Variants in PLA2G4A observed in about 807,000 individuals in gnomAD.
PLA2G4A encodes cytosolic phospholipase A2.
In PLA2G4A, 40 loss-of-function variants were observed where a neutral mutation model predicts 81.9. The ratio of observed to expected loss-of-function variants is 0.49; its 90% CI spans 0.38 to 0.64. PLA2G4A has a LOEUF of 0.64. Among genes scored for constraint, PLA2G4A ranks in the 30% least tolerant of loss-of-function variants. PLA2G4A has a pLI of 0.00. For synonymous variants in PLA2G4A, 302 were observed against 296.9 expected (o/e 1.02, Z -0.18); for missense variants, 715 against 905.1 (o/e 0.79, Z 2.69).
chr1:186,988,169 G>A (rs1657950385), intron 17 of PLA2G4A, among the ~76,000 whole-genome samples: 1 of 152,092 alleles, frequency 6.6e-6, no homozygotes, highest in Non-Finnish European at 1.5e-5. Context: ...CCCTGGTGAG[G>A]GAAGGAACAG....
At chr1:186,954,666 C>CTT (rs11375182) in intron 13 of PLA2G4A, among the ~76,000 whole-genome samples, 13 of 151,930 alleles carry the variant, frequency 8.6e-5, no homozygotes, top group Admixed American at 7.2e-4. Flanking sequence ...TATAGAATCT[C>CTT]TTTTTTCTCT....
chr1:186,947,405 C>A (rs1656383473), intron 12 of PLA2G4A, among the ~76,000 whole-genome samples: 1 of 151,990 alleles, frequency 6.6e-6, no homozygotes, highest in South Asian at 2.1e-4. Flanking sequence ...TTATATTAAT[C>A]TATACCCAAA....
intron 7 of PLA2G4A, among the ~76,000 whole-genome samples, chr1:186,920,930 C>T (rs146119505): frequency 7.6e-4 from 116 of 152,318 alleles, no homozygotes; most frequent in Non-Finnish European, 3.7e-4. Flanking sequence ...ATATCTTCCG[C>T]GCTTTGACTA....
chr1:186,887,623 T>C (rs903481016), intron 3 of PLA2G4A, among the ~76,000 whole-genome samples: 2 of 152,278 alleles, frequency 1.3e-5, no homozygotes, highest in African/African-American at 4.8e-5. Flanking sequence ...CTGAAAATAA[T>C]GAAGATGAGG....
rs1006325278 is a variant in PLA2G4A, at chr1:186,930,189, G to A, written c.559-2574G>A. 2.6e-5 allele frequency among the ~76,000 whole-genome samples: 4 copies of A among 152,174 alleles called. No individual in the cohort carries two copies. In the East Asian group the frequency reaches 5.8e-4, roughly 22 times the overall value. On this transcript the variant is annotated intron_variant, in intron 7 of 17. Coordinates refer to ENST00000367466, the MANE Select transcript of PLA2G4A (RefSeq NM_024420.3). ...TAATGTAAATGCATGCTTAACAAATGAAGGTAATTATAATCTGCACAGCCA... is the reference window on the plus strand; with the variant it reads ...TAATGTAAATGCATGCTTAACAAATAAAGGTAATTATAATCTGCACAGCCA...
At chr1:186,899,843 C>T (rs970976681) in intron 5 of PLA2G4A, among the ~76,000 whole-genome samples, 3 of 152,076 alleles carry the variant, frequency 2.0e-5, no homozygotes, top group East Asian at 1.9e-4. Flanking sequence ...ACTAGAATGG[C>T]GAGTGCAGGG....
chr1:186,930,253 C>A (rs10158652), intron 7 of PLA2G4A, among the ~76,000 whole-genome samples: 1 of 152,004 alleles, frequency 6.6e-6, no homozygotes, highest in Non-Finnish European at 1.5e-5. Context: ...AATATCTGAA[C>A]ATTTTCCTTC....
chr1:186,855,760 A>C (rs1329539895), intron 2 of PLA2G4A, among the ~76,000 whole-genome samples: 6 of 152,100 alleles, frequency 3.9e-5, no homozygotes, highest in African/African-American at 1.2e-4. Context: ...TCTACTGATA[A>C]CCATCATATT....
At chr1:186,982,292 A>G (rs1209260932) in intron 17 of PLA2G4A, among the ~76,000 whole-genome samples, 1 of 152,226 alleles carries the variant, frequency 6.6e-6, no homozygotes, top group East Asian at 1.9e-4. Context: ...CATGGGCGTT[A>G]TATCATCTTT....
chr1:186,872,351 G>T (rs971523446), intron 3 of PLA2G4A, among the ~76,000 whole-genome samples: 3 of 152,104 alleles, frequency 2.0e-5, no homozygotes, highest in South Asian at 4.2e-4. Context: ...CTTAAGAAAA[G>T]GCGTGCGTTT....
At chr1:186,839,926 A>G (rs1004557329) in intron 1 of PLA2G4A, among the ~76,000 whole-genome samples, 1 of 150,060 alleles carries the variant, frequency 6.7e-6, no homozygotes, top group Non-Finnish European at 1.5e-5. Flanking sequence ...AAGGGTCTGC[A>G]GACTGTCATG....
At chr1:186,859,660 G>A (rs1311670325) in intron 2 of PLA2G4A, among the ~76,000 whole-genome samples, 1 of 152,052 alleles carries the variant, frequency 6.6e-6, no homozygotes, top group East Asian at 1.9e-4. Context: ...AGGATGACTG[G>A]AAATTTTACC....
At chr1:186,906,173 G>C (rs1654729763) in intron 5 of PLA2G4A, among the ~76,000 whole-genome samples, 1 of 152,084 alleles carries the variant, frequency 6.6e-6, no homozygotes. Context: ...TTCTCATTTG[G>C]TTCTTATAAC....
chr1:186,914,047 G>T (rs930659309), intron 7 of PLA2G4A, among the ~76,000 whole-genome samples: 1 of 152,088 alleles, frequency 6.6e-6, no homozygotes, highest in African/African-American at 2.4e-5. Context: ...ATTTTAAAAA[G>T]AGAGGCTTCT....
chr1:186,927,265 G>A (rs1407875002), intron 7 of PLA2G4A, among the ~76,000 whole-genome samples: 1 of 152,152 alleles, frequency 6.6e-6, no homozygotes, highest in Non-Finnish European at 1.5e-5. Flanking sequence ...CTTGCTGTTA[G>A]AACAGTGTCT....
In PLA2G4A at chr1:186,867,964, T is replaced by C. The variant is rs78888430; in HGVS notation, c.34-2471T>C. Among the ~76,000 whole-genome samples, 685 of 152,276 alleles carry C rather than the reference T, an allele frequency of 4.5e-3. 2 individuals carry two copies. The highest frequency in any genetic ancestry group is 0.016 in the African/African-American group (656 of 41,548). On this transcript the variant is annotated intron_variant, in intron 2 of 17. Transcript: ENST00000367466. ...TTCATCTGTTGATATGATCATGTAA[T>C]TTTTCTTGTTTAGCTTGTTGATATA...
chr1:186,912,286 A>C lies in PLA2G4A; in HGVS notation c.558+897A>C, dbSNP rs147017329. Reference sequence around the variant, plus strand: ...CACACCAGAGTGGTACATTTGTTACAATCAGTGAACCCACATTGACACATC... The same window carrying C: ...CACACCAGAGTGGTACATTTGTTACCATCAGTGAACCCACATTGACACATC... On this transcript the variant is annotated intron_variant, in intron 7 of 17. Transcript: ENST00000367466. Among the ~76,000 whole-genome samples, 12 of 152,340 alleles carry C rather than the reference A, an allele frequency of 7.9e-5. No individual in the cohort carries two copies. In the East Asian group the frequency reaches 2.3e-3, roughly 29 times the overall value.
chr1:186,872,093 G>A (rs909875209), intron 3 of PLA2G4A, among the ~76,000 whole-genome samples: 3 of 152,068 alleles, frequency 2.0e-5, no homozygotes, highest in Non-Finnish European at 4.4e-5. Flanking sequence ...CATGACAGGT[G>A]AGGAGAGCAA....
At chr1:186,884,095 A>G (rs536674915) in intron 3 of PLA2G4A, among the ~76,000 whole-genome samples, 11 of 152,278 alleles carry the variant, frequency 7.2e-5, no homozygotes, top group South Asian at 4.1e-4. Context: ...AATAAGAAAT[A>G]TCCGAGAGAA....
Sources: allele counts gnomAD v4.1 joint callset (sites outside exome capture counted in the v4.1 genomes callset), GRCh38; gene constraint gnomAD v4.1.1; transcripts MANE v1.5; gene names NCBI Gene and HGNC (gene_info 2026-07-23, HGNC 2026-07-21).